The following PSMA1 variants were observed in gnomAD, a reference collection of about 807,000 sequenced individuals.
The protein encoded by PSMA1 is proteasome subunit alpha type-1.
PSMA1 carries 3 observed loss-of-function variants against 38.4 expected under a neutral mutation model. The observed-to-expected ratio is 0.08, with a 90% confidence interval of 0.04 to 0.20. PSMA1 has a LOEUF of 0.20. PSMA1 is among the 10% of genes least tolerant of loss of function. The pLI is 1.00. For missense variants in PSMA1, 227 were observed against 325.3 expected (o/e 0.70, Z 2.32); for synonymous variants, 101 against 107.1 (o/e 0.94, Z 0.35).
intron 8 of PSMA1, 150 bp from the exon 9 acceptor site, chr11:14,507,916 G>A: frequency 5.3e-6 from 3 of 563,646 alleles, no homozygotes; most frequent in South Asian, 2.4e-5. Context: ...GAAAAAAGAA[G>A]GAAACTAGTG....
chr11:14,600,051 TG>T (rs1192794665), intron 2 of PSMA1, among the ~76,000 whole-genome samples: 1 of 152,214 alleles, frequency 6.6e-6, no homozygotes, highest in African/African-American at 2.4e-5. Context: ...AGACCCTATT[TG>T]CCTGGGTGTC....
chr11:14,631,925 CTTCT>C (rs1174871979), intron 1 of PSMA1, among the ~76,000 whole-genome samples: 5 of 143,940 alleles, frequency 3.5e-5, no homozygotes, highest in Admixed American at 7.0e-5. Context: ...ATGTAATGGC[CTTCT>C]TTGTCTCTTT....
intron 2 of PSMA1, among the ~76,000 whole-genome samples, chr11:14,585,926 CT>C (rs946253688): frequency 4.6e-5 from 7 of 152,122 alleles, no homozygotes; most frequent in African/African-American, 1.7e-4. Context: ...AAATTAGAAT[CT>C]TTCAGGCATG....
chr11:14,575,403 TC>T (rs1240948774), intron 2 of PSMA1, among the ~76,000 whole-genome samples: 2 of 149,254 alleles, frequency 1.3e-5, no homozygotes, highest in African/African-American at 4.9e-5. Flanking sequence ...ATGCTATCCC[TC>T]CCCCCTACCC....
intron 2 of PSMA1, among the ~76,000 whole-genome samples, chr11:14,542,126 C>T (rs1228773954): frequency 6.6e-6 from 1 of 152,156 alleles, no homozygotes; most frequent in Non-Finnish European, 1.5e-5. Flanking sequence ...TAAAAATTCT[C>T]TATACCATGG....
chr11:14,513,819 C>A lies in PSMA1; in HGVS notation c.412G>T (p.Asp138Tyr). 1 of 1,588,536 alleles carries A rather than the reference C, an allele frequency of 6.3e-7. No individual in the cohort carries two copies. Among genetic ancestry groups the A allele is most frequent in the Non-Finnish European group, 8.5e-7 (1 of 1,172,232 alleles). ...ATAACAATATTCAATGAACTTACAT[C>A]ATAACCAGCAATAAGGAGACCAACA... ...YGVGLLIAGYDDMGPHIFQTC... is the reference protein window; with the variant it reads ...YGVGLLIAGYYDMGPHIFQTC... Residue 138 changes from aspartate to tyrosine, a missense_variant and splice_region_variant, in exon 6 of 10, where the codon GAT (aspartate) becomes TAT (tyrosine). Coordinates refer to ENST00000396394, the MANE Select transcript of PSMA1 (RefSeq NM_002786.4).
intron 2 of PSMA1, among the ~76,000 whole-genome samples, chr11:14,590,283 A>G (rs1852395143): frequency 6.6e-6 from 1 of 152,224 alleles, no homozygotes; most frequent in Non-Finnish European, 1.5e-5. Flanking sequence ...CTTGCACCAC[A>G]ATGTGAATGT....
chr11:14,544,314 G>A (rs1414104911), intron 2 of PSMA1, among the ~76,000 whole-genome samples: 9 of 152,134 alleles, frequency 5.9e-5, no homozygotes, highest in South Asian at 4.1e-4. Context: ...GATTACAGGC[G>A]TGAGCTACCG....
intron 2 of PSMA1, among the ~76,000 whole-genome samples, chr11:14,526,736 T>C (rs1258306463): frequency 6.6e-6 from 1 of 152,142 alleles, no homozygotes; most frequent in Non-Finnish European, 1.5e-5. Context: ...TGACTGTATC[T>C]CTCTGATGCA....
At chr11:14,641,276 GT>G (rs1327452081) in intron 1 of PSMA1, among the ~76,000 whole-genome samples, 1 of 152,040 alleles carries the variant, frequency 6.6e-6, no homozygotes, top group Non-Finnish European at 1.5e-5. Context: ...TGTGACTTCA[GT>G]TTTTTTCATG....
intron 1 of PSMA1, among the ~76,000 whole-genome samples, chr11:14,619,583 G>A (rs1289491842): frequency 6.6e-6 from 1 of 152,142 alleles, no homozygotes; most frequent in Non-Finnish European, 1.5e-5. Flanking sequence ...AAAGCCTGAA[G>A]AAATTAAGAT....
chr11:14,587,093 T>G (rs751383945), intron 2 of PSMA1, among the ~76,000 whole-genome samples: 7 of 152,250 alleles, frequency 4.6e-5, no homozygotes, highest in Non-Finnish European at 8.8e-5. Context: ...ATTTAATTTA[T>G]ATTCTTTTCA....
At chr11:14,566,295 T>C (rs1174441960) in intron 2 of PSMA1, among the ~76,000 whole-genome samples, 5 of 152,136 alleles carry the variant, frequency 3.3e-5, no homozygotes, top group African/African-American at 2.4e-5. Context: ...GTAATGCAAG[T>C]GAAAGGCAGA....
At chr11:14,620,830 C>T (rs1039392429) in intron 1 of PSMA1, among the ~76,000 whole-genome samples, 1 of 152,174 alleles carries the variant, frequency 6.6e-6, no homozygotes, top group Non-Finnish European at 1.5e-5. Flanking sequence ...GAAATTATTT[C>T]ACAGCTCTCA....
rs1209715503 is a variant in PSMA1, at chr11:14,550,258, G to A, written c.22-31217C>T. On this transcript the variant is annotated intron_variant, in intron 2 of 10. Coordinates refer to the PSMA1 transcript ENST00000418988. ...TCATGTATTTCATAAACATTAATAC[G>A]TTTCAAAAATACTGAAGGAAATCAA... Among the ~76,000 whole-genome samples the A allele has an allele frequency of 2.6e-5, 4 of 152,130 alleles. No individual in the cohort carries two copies. In the South Asian group the frequency reaches 6.2e-4, roughly 24 times the overall value.
intron 1 of PSMA1, among the ~76,000 whole-genome samples, chr11:14,633,609 C>T (rs1212734387): frequency 6.6e-6 from 1 of 152,210 alleles, no homozygotes; most frequent in African/African-American, 2.4e-5. Context: ...GTGCCCTGCC[C>T]CCAGAAGTGG....
At chr11:14,538,862 G>A (rs1385448871) in intron 2 of PSMA1, among the ~76,000 whole-genome samples, 2 of 152,246 alleles carry the variant, frequency 1.3e-5, no homozygotes, top group South Asian at 2.1e-4. Flanking sequence ...TGTTTGGGGT[G>A]TGCGTAATTT....
chr11:14,519,990 C>T, intron 1 of PSMA1: 1 of 483,946 alleles, frequency 2.1e-6, no homozygotes, highest in Non-Finnish European at 3.8e-6. Flanking sequence ...GCACTAGGAG[C>T]TATTCTGGAC....
intron 2 of PSMA1, among the ~76,000 whole-genome samples, chr11:14,529,259 T>C (rs758849353): frequency 2.3e-4 from 35 of 152,218 alleles, no homozygotes; most frequent in Non-Finnish European, 2.1e-4. Flanking sequence ...CGTGTTATTA[T>C]GTTTAGCACC....
Sources: allele counts gnomAD v4.1 joint callset (sites outside exome capture counted in the v4.1 genomes callset), GRCh38; gene constraint gnomAD v4.1.1; transcripts MANE v1.5; gene names NCBI Gene and HGNC (gene_info 2026-07-23, HGNC 2026-07-21).